PPM1E: variants seen among roughly 807,000 people sequenced by gnomAD.
PPM1E encodes protein phosphatase 1E.
In PPM1E, 20 loss-of-function variants were observed where a neutral mutation model predicts 65.9. The ratio of observed to expected loss-of-function variants is 0.30; its 90% confidence interval spans 0.21 to 0.44. The LOEUF is 0.44. Ranked by LOEUF, PPM1E falls within the 20% of genes least tolerant of loss-of-function variation. The pLI is 1.00. For missense variants in PPM1E, 713 were observed against 953.1 expected, an observed-to-expected ratio of 0.75 and a Z score of 3.32; for synonymous variants, 352 against 374.9, an observed-to-expected ratio of 0.94 and a Z score of 0.70.
At chr17:58,884,661 C>T (rs943855640) in intron 1 of PPM1E, among the ~76,000 whole-genome samples, 3 of 152,104 alleles carry the variant, frequency 2.0e-5, no homozygotes, top group Non-Finnish European at 4.4e-5. Context: ...TGAGTTATAG[C>T]ACCAGACTGC....
At chr17:58,824,773 A>ATTTTTTTTT (rs35598764) in intron 1 of PPM1E, among the ~76,000 whole-genome samples, 1 of 132,430 alleles carries the variant, frequency 7.6e-6, no homozygotes. Context: ...TATTTTTTGT[A>ATTTTTTTTT]TTTTTTTTTT....
At chr17:58,806,964 C>A (rs1316025196) in intron 1 of PPM1E, among the ~76,000 whole-genome samples, 1 of 151,996 alleles carries the variant, frequency 6.6e-6, no homozygotes, top group East Asian at 1.9e-4. Flanking sequence ...CTCAGCCCCC[C>A]AAAGGCTGGG....
intron 1 of PPM1E, among the ~76,000 whole-genome samples, chr17:58,803,869 G>C (rs2050281164): frequency 1.3e-5 from 2 of 152,194 alleles, no homozygotes; most frequent in African/African-American, 2.4e-5. Context: ...AAGTAAATGT[G>C]AATTTAAGTT....
At chr17:58,784,534 AT>A (rs2050080407) in intron 1 of PPM1E, among the ~76,000 whole-genome samples, 1 of 65,548 alleles carries the variant, frequency 1.5e-5, no homozygotes, top group Non-Finnish European at 3.4e-5. Context: ...CGGAGTCTTT[AT>A]TTTTTTTTGA....
intron 1 of PPM1E, among the ~76,000 whole-genome samples, chr17:58,827,442 A>G (rs2050549918): frequency 6.6e-6 from 1 of 152,008 alleles, no homozygotes; most frequent in Non-Finnish European, 1.5e-5. Flanking sequence ...CTGGGATTAC[A>G]AGCATGAGCC....
At position 58,795,768 on chromosome 17, in the gene PPM1E, T is replaced by A. The variant is rs189880446; in HGVS notation, c.464+39307T>A. ...ATGGTATCTCATTGGGGTTTTGACT[T>A]GCATTTCTCTAATGATTAGTGATGT... On this transcript the variant is annotated intron_variant, in intron 1 of 6. Coordinates refer to ENST00000308249, the MANE Select transcript of PPM1E (RefSeq NM_014906.5). 1.9e-4 allele frequency among the ~76,000 whole-genome samples: 29 copies of A among 152,322 alleles called. No homozygotes were observed. In the East Asian group the frequency reaches 5.6e-3, roughly 29 times the overall value.
chr17:58,796,811 T>G (rs1417712086), intron 1 of PPM1E, among the ~76,000 whole-genome samples: 2 of 152,144 alleles, frequency 1.3e-5, no homozygotes, highest in Non-Finnish European at 2.9e-5. Flanking sequence ...GGTTGCATTT[T>G]AAAGTAAGCT....
intron 1 of PPM1E, among the ~76,000 whole-genome samples, chr17:58,935,820 T>A (rs567482951): frequency 8.3e-4 from 126 of 152,082 alleles, no homozygotes; most frequent in African/African-American, 2.2e-3. Context: ...CTTTTTTTTT[T>A]AAATTTTATT....
intron 1 of PPM1E, among the ~76,000 whole-genome samples, chr17:58,871,940 C>T (rs1242400507): frequency 6.6e-6 from 1 of 152,200 alleles, no homozygotes; most frequent in Admixed American, 6.5e-5. Flanking sequence ...AGATTCATTT[C>T]CTCTTTTCAA....
intron 1 of PPM1E, among the ~76,000 whole-genome samples, chr17:58,888,362 C>CTTTTTTTTTT (rs71367642): frequency 3.8e-5 from 4 of 104,490 alleles, no homozygotes; most frequent in Non-Finnish European, 5.6e-5. Flanking sequence ...ACTCTTCTCT[C>CTTTTTTTTTT]TTTTTTTTTT....
intron 1 of PPM1E, among the ~76,000 whole-genome samples, chr17:58,836,941 A>C (rs2143199489): frequency 1.4e-5 from 2 of 142,498 alleles, no homozygotes; most frequent in Non-Finnish European, 1.5e-5. Flanking sequence ...AATGGCGTGA[A>C]CCCGGGAGGC....
In PPM1E at chr17:58,755,944, C is replaced by T; in HGVS notation, c.-54C>T. On this transcript the variant is annotated 5_prime_UTR_variant, in exon 1 of 7. Transcript: ENST00000308249. ...CTAGGCTCAAAAGCAGCCCCTTACC[C>T]TTCCTGGGCTTCCCCCAACCCCTTT... 6.2e-7 allele frequency: 1 copy of T among 1,610,232 alleles called. No homozygotes were observed. The highest frequency in any genetic ancestry group is 8.5e-7 in the Non-Finnish European group (1 of 1,178,030).
chr17:58,798,465 C>T lies in PPM1E; in HGVS notation c.464+42004C>T, dbSNP rs185345386. Among the ~76,000 whole-genome samples, 295 of 151,328 alleles carry T rather than the reference C, an allele frequency of 1.9e-3. 3 individuals carry two copies. The highest frequency in any genetic ancestry group is 3.1e-4 in the Non-Finnish European group (21 of 67,894). On this transcript the variant is annotated intron_variant, in intron 1 of 6. Coordinates refer to ENST00000308249, the MANE Select transcript of PPM1E (RefSeq NM_014906.5). ...GTCTCGAACTTCTGACCTTGTGATC[C>T]ACCCGCCTTAGCCTCCCAAAGTGCT...
At chr17:58,906,841 C>T (rs1213231992) in intron 1 of PPM1E, among the ~76,000 whole-genome samples, 1 of 152,122 alleles carries the variant, frequency 6.6e-6, no homozygotes, top group East Asian at 1.9e-4. Flanking sequence ...ACTGCTTTCA[C>T]TGTATTCCAC....
At chr17:58,770,720 T>G (rs2049929073) in intron 1 of PPM1E, among the ~76,000 whole-genome samples, 1 of 152,128 alleles carries the variant, frequency 6.6e-6, no homozygotes, top group Non-Finnish European at 1.5e-5. Context: ...TTTATGTTCT[T>G]ATATAGGTTG....
chr17:58,947,680 A>G (rs1269989601), intron 1 of PPM1E, among the ~76,000 whole-genome samples: 1 of 151,842 alleles, frequency 6.6e-6, no homozygotes, highest in African/African-American at 2.4e-5. Flanking sequence ...CTTGTCTTCT[A>G]CTAAGCTTCT....
Position 58,981,213 on chromosome 17 carries a change from A to G in PPM1E, c.*182A>G. 1.8e-6 allele frequency: 1 copy of G among 558,898 alleles called. No homozygotes were observed. The highest frequency in any genetic ancestry group is 3.1e-6 in the Non-Finnish European group (1 of 327,140). The allele number at this position is 558,898 out of a possible 1,614,324, so 34.6% of individuals were successfully genotyped here. A position where few individuals can be genotyped will look rare whatever the true frequency, so the allele number is the denominator to read the frequency against. ...CAGTGTTTTCAATCTAAAAAGAAGT[A>G]TTGGCAGTTTCACTTGCAAAATTAC... On this transcript the variant is annotated 3_prime_UTR_variant, in exon 7 of 7. Coordinates refer to ENST00000308249, the MANE Select transcript of PPM1E (RefSeq NM_014906.5).
chr17:58,773,815 C>A (rs1031849337), intron 1 of PPM1E, among the ~76,000 whole-genome samples: 3 of 152,090 alleles, frequency 2.0e-5, no homozygotes, highest in East Asian at 1.9e-4. Context: ...CTCCTGCCCG[C>A]GCCTACTGAA....
chr17:58,810,699 A>G (rs2050358177), intron 1 of PPM1E, among the ~76,000 whole-genome samples: 1 of 152,184 alleles, frequency 6.6e-6, no homozygotes, highest in Non-Finnish European at 1.5e-5. Flanking sequence ...GATTCACAAT[A>G]GTGACTGTGT....
Sources: allele counts gnomAD v4.1 joint callset (sites outside exome capture counted in the v4.1 genomes callset), GRCh38; gene constraint gnomAD v4.1.1; transcripts MANE v1.5; gene names NCBI Gene and HGNC (gene_info 2026-07-23, HGNC 2026-07-21).